The following PLXNA1 variants were observed in gnomAD, a reference collection of about 807,000 sequenced individuals.
PLXNA1 encodes plexin-A1.
In PLXNA1, 77 loss-of-function variants were observed where a neutral mutation model predicts 191.7. The observed-to-expected ratio is 0.40, with a 90% confidence interval of 0.33 to 0.49. The LOEUF is 0.49. Among genes scored for constraint, PLXNA1 ranks in the 20% least tolerant of loss-of-function variants. PLXNA1 has a pLI of 0.63. For synonymous variants in PLXNA1, 1,137 were observed against 1,156.4 expected, an observed-to-expected ratio of 0.98 and a Z score of 0.34; for missense variants, 2,110 against 2,660.2, an observed-to-expected ratio of 0.79 and a Z score of 4.55.
rs141028957 is a variant in PLXNA1, at chr3:127,014,515, G to A, written c.2642G>A (p.Arg881Gln). The A allele has an allele frequency of 2.1e-5, 34 of 1,608,076 alleles. No individual in the cohort carries two copies. The highest frequency in any genetic ancestry group is 6.7e-5 in the African/African-American group (5 of 75,030). ...ACGGGCCCGAGGCAGGGCGGCACGC[G>A]GCTCACTATCACAGGCGAGAACCTG... ...PETGPRQGGT[R>Q]LTITGENLGL... Residue 881 changes from arginine (R) to glutamine (Q), a missense_variant, in exon 13 of 32, where the codon CGG (arginine) becomes CAG (glutamine). Coordinates refer to ENST00000393409, the MANE Select transcript of PLXNA1 (RefSeq NM_032242.4).
At chr3:126,996,916 G>T (rs1029939823) in intron 3 of PLXNA1, among the ~76,000 whole-genome samples, 2 of 152,230 alleles carry the variant, frequency 1.3e-5, no homozygotes, top group Non-Finnish European at 2.9e-5. Context: ...CCACATGGAA[G>T]TGACACACAT....
At chr3:127,032,971 C>T in intron 31 of PLXNA1, 135 bp downstream of exon 31, 1 of 921,318 alleles carries the variant, frequency 1.1e-6, no homozygotes, top group Non-Finnish European at 1.6e-6. Context: ...CCTCTGCACC[C>T]TCTGGCCACC....
intron 9 of PLXNA1, among the ~76,000 whole-genome samples, chr3:127,010,687 G>A (rs565660831): frequency 8.5e-5 from 13 of 152,312 alleles, no homozygotes; most frequent in African/African-American, 3.1e-4. Context: ...TTTCCTGGCT[G>A]GGACCTGGGT....
chr3:127,008,226 G>A (rs891573998), intron 9 of PLXNA1, among the ~76,000 whole-genome samples: 1 of 152,184 alleles, frequency 6.6e-6, no homozygotes, highest in African/African-American at 2.4e-5. Context: ...CTCTGTGTGG[G>A]GGCTGCAGAC....
At chr3:126,993,773 G>A (rs893546604) in intron 3 of PLXNA1, among the ~76,000 whole-genome samples, 55 of 152,348 alleles carry the variant, frequency 3.6e-4, no homozygotes, top group African/African-American at 1.7e-4. Context: ...CCCAGGCAAG[G>A]CACGCCTCTG....
intron 7 of PLXNA1, 38 bp from the exon 8 acceptor site, chr3:127,006,041 C>G (rs1277045955): frequency 6.5e-7 from 1 of 1,537,974 alleles, no homozygotes; most frequent in African/African-American, 1.4e-5. Context: ...GAGTCCTGGG[C>G]AAGCAGTCCT....
At chr3:127,007,776 C>T (rs1227571757) in intron 8 of PLXNA1, 23 bp from the exon 9 acceptor site, 9 of 1,560,954 alleles carry the variant, frequency 5.8e-6, no homozygotes, top group South Asian at 2.3e-5. Flanking sequence ...CCCCAGGCTT[C>T]AGCACCCACC....
chr3:126,988,934 T>A lies in PLXNA1; in HGVS notation c.341T>A (p.Val114Asp). Residue 114 changes from valine to aspartate, a missense_variant, in exon 2 of 32, where the codon GTC (valine) becomes GAC (aspartate). This residue lies in a region of PLXNA1 where 903 missense variants were observed against 1,015.7 expected (regional missense o/e 0.89). Transcript: ENST00000393409. ...CPHGLGSTDN[V>D]NKLLLLDYAA... ...CACGGCCTGGGCAGTACTGACAACG[T>A]CAACAAGCTGCTGCTGCTGGACTAT... 1 of 1,613,214 alleles carries A rather than the reference T, an allele frequency of 6.2e-7. No homozygotes were observed. Among genetic ancestry groups the A allele is most frequent in the Non-Finnish European group, 8.5e-7 (1 of 1,180,002 alleles).
chr3:126,991,120 C>T (rs1445602624), intron 2 of PLXNA1, among the ~76,000 whole-genome samples: 1 of 152,210 alleles, frequency 6.6e-6, no homozygotes, highest in Non-Finnish European at 1.5e-5. Flanking sequence ...GGTGGAGCAG[C>T]GCCCCCTCCA....
chr3:126,996,022 G>C (rs1576671715), intron 3 of PLXNA1, among the ~76,000 whole-genome samples: 3 of 152,296 alleles, frequency 2.0e-5, no homozygotes, highest in South Asian at 4.1e-4. Flanking sequence ...GGGCCCTCAG[G>C]ACTCATGCTG....
At chr3:127,009,070 C>T (rs1559959445) in intron 9 of PLXNA1, among the ~76,000 whole-genome samples, 3 of 152,238 alleles carry the variant, frequency 2.0e-5, no homozygotes, top group African/African-American at 7.2e-5. Context: ...AGAGCTGGTC[C>T]TGGGGGCCTC....
Position 127,029,072 on chromosome 3 carries a change from G to T in PLXNA1, c.4749G>T (p.Arg1583Ser). 6.2e-7 allele frequency: 1 copy of T among 1,613,736 alleles called. No homozygotes were observed. Among genetic ancestry groups the T allele is most frequent in the Non-Finnish European group, 8.5e-7 (1 of 1,179,888 alleles). The change falls in exon 26 of 32, where the codon AGG becomes AGT. Residue 1583 changes from arginine (R) to serine (S), a missense_variant. Transcript: ENST00000393409. ...VTTKIDNDWKRLNTLAHYQVT... is the reference protein window; with the variant it reads ...VTTKIDNDWKSLNTLAHYQVT... ...CCAAGATTGACAACGATTGGAAGAGGCTGAACACACTGGCTCACTACCAGG... is the reference window on the plus strand; with the variant it reads ...CCAAGATTGACAACGATTGGAAGAGTCTGAACACACTGGCTCACTACCAGG...
At chr3:127,015,144 G>A (rs1254885707) in intron 14 of PLXNA1, 40 bp from the exon 15 acceptor site, 2 of 1,587,324 alleles carry the variant, frequency 1.3e-6, no homozygotes, top group Non-Finnish European at 1.7e-6. Context: ...GCCCGAGGGG[G>A]ACTTTCCTGA....
In PLXNA1 at chr3:127,035,844, TC is replaced by T. The variant is rs922616179; in HGVS notation, c.*1830del. ...GATGACGCCACAGAGACCCGCCTCT[TC>T]CCTGAACGCGGGTCGGTGTGGAGTC... On this transcript the variant is annotated 3_prime_UTR_variant, in exon 32 of 32. Transcript: ENST00000393409. The T allele has an allele frequency of 2.6e-5, 4 of 152,206 alleles. No individual in the cohort carries two copies. The highest frequency in any genetic ancestry group is 2.6e-4 in the Admixed American group (4 of 15,276). The allele number at this position is 152,206 out of a possible 1,614,324, so 9.4% of individuals were successfully genotyped here.
intron 3 of PLXNA1, among the ~76,000 whole-genome samples, chr3:126,997,587 AC>A (rs2079020060): frequency 6.6e-6 from 1 of 152,116 alleles, no homozygotes; most frequent in South Asian, 2.1e-4. Context: ...CTGCACGGTA[AC>A]CTGCCGACAT....
At position 127,037,101 on chromosome 3, in the gene PLXNA1, G is replaced by C. The variant is rs995865198; in HGVS notation, c.*3084G>C. On this transcript the variant is annotated 3_prime_UTR_variant, in exon 32 of 32. Transcript: ENST00000393409. ...TGTCTGGATTCAGTGGCTCACGTTG[G>C]TGCTACACAGCTAGAATAGATATAT... is the stretch of plus-strand genomic sequence containing the variant. The C allele has an allele frequency of 6.6e-6, 1 of 152,534 alleles. No individual in the cohort carries two copies. Among genetic ancestry groups the C allele is most frequent in the Non-Finnish European group, 1.5e-5 (1 of 68,046 alleles). 9.4% of individuals were successfully genotyped at this position (152,534 alleles called of 1,614,324 possible).
chr3:127,023,551 T>C (rs953840161), intron 23 of PLXNA1, among the ~76,000 whole-genome samples: 2 of 152,098 alleles, frequency 1.3e-5, no homozygotes, highest in African/African-American at 4.8e-5. Flanking sequence ...TGACTGACAG[T>C]GTAGCCCAGT....
rs573065689 is a variant in PLXNA1, at chr3:126,989,787, G to A, written c.1194G>A (p.Ser398=). The A allele has an allele frequency of 2.4e-5, 39 of 1,599,840 alleles. No homozygotes were observed. Among genetic ancestry groups the A allele is most frequent in the South Asian group, 8.9e-5 (8 of 89,478 alleles). The change falls in exon 2 of 32, where the codon TCG becomes TCA. Residue 398 remains serine, a splice_region_variant and synonymous_variant. Transcript: ENST00000393409. ...ACAAGGAGCTGGGCTGCATCAACTC[G>A]GTGAGTTGGGCAGGGGCGCCCCTCC... is the stretch of plus-strand genomic sequence containing the variant. The part of the protein sequence containing the change: ...LLNKELGCIN[S]PLQIDDDFCG...
intron 31 of PLXNA1, among the ~76,000 whole-genome samples, chr3:127,033,108 G>T (rs79108849): frequency 6.6e-6 from 1 of 152,194 alleles, no homozygotes; most frequent in African/African-American, 2.4e-5. Flanking sequence ...TGAGGCAGAG[G>T]GTGTGTGGGT....
Sources: gnomAD v4.1 joint callset for allele counts (sites outside exome capture counted in the v4.1 genomes callset) on GRCh38, gnomAD v4.1.1 for gene constraint, gnomAD v4.1.1 regional missense constraint, MANE v1.5 for transcripts, NCBI Gene and HGNC (gene_info 2026-07-23, HGNC 2026-07-21) for gene names.